Variants in SKI observed in about 807,000 individuals in gnomAD.
SKI encodes SKI proto-oncogene, also known as ski oncogene.
Under a neutral mutation model 59.3 loss-of-function variants are expected in SKI, and 23 were observed. The observed-to-expected ratio is 0.39, with a 90% CI of 0.28 to 0.55. The LOEUF (loss-of-function observed/expected upper bound fraction) is 0.55, where lower values mean the gene tolerates loss of function less well. SKI is among the 20% of genes least tolerant of loss of function. SKI has a pLI of 0.67. For synonymous variants in SKI, 673 were observed against 488.6 expected, an observed-to-expected ratio of 1.38 and a Z score of -4.98; for missense variants, 1,017 against 1,038.9, an observed-to-expected ratio of 0.98 and a Z score of 0.29.
chr1:2,265,996 C>T (rs918388046), intron 1 of SKI, among the ~76,000 whole-genome samples: 1 of 152,034 alleles, frequency 6.6e-6, no homozygotes, highest in African/African-American at 2.4e-5. Context: ...AAAAAAAAAT[C>T]TTGAGCTTTG....
chr1:2,293,193 C>T (rs1056246255), intron 1 of SKI, among the ~76,000 whole-genome samples: 6 of 152,282 alleles, frequency 3.9e-5, no homozygotes, highest in South Asian at 2.1e-4. Flanking sequence ...CTGTGCGGAG[C>T]GGGGTTCTGG....
intron 1 of SKI, among the ~76,000 whole-genome samples, chr1:2,237,190 C>T (rs945061631): frequency 6.6e-6 from 1 of 152,194 alleles, no homozygotes. Context: ...TGAGGACTGG[C>T]TGACCTCACC....
At chr1:2,265,188 G>T (rs1639475580) in intron 1 of SKI, among the ~76,000 whole-genome samples, 1 of 152,206 alleles carries the variant, frequency 6.6e-6, no homozygotes, top group Non-Finnish European at 1.5e-5. Flanking sequence ...TGCCGCATGT[G>T]TTTGGAGTAC....
chr1:2,257,143 TC>T (rs2100832573), intron 1 of SKI, among the ~76,000 whole-genome samples: 1 of 152,372 alleles, frequency 6.6e-6, no homozygotes, highest in African/African-American at 2.4e-5. Context: ...TTGTAAAAGC[TC>T]CCACCTTTTG....
At chr1:2,287,427 C>T (rs1301844415) in intron 1 of SKI, among the ~76,000 whole-genome samples, 9 of 151,462 alleles carry the variant, frequency 5.9e-5, no homozygotes, top group Admixed American at 5.9e-4. Context: ...AGCTCCGCCT[C>T]CCGGGTTCAC....
intron 1 of SKI, among the ~76,000 whole-genome samples, chr1:2,280,603 AGAAGAT>A (rs1639854763): frequency 1.3e-5 from 2 of 148,240 alleles, no homozygotes; most frequent in South Asian, 2.1e-4. Flanking sequence ...ATCTTCAGAG[AGAAGAT>A]GCCCGAGAAG....
At chr1:2,287,873 G>A (rs542677296) in intron 1 of SKI, among the ~76,000 whole-genome samples, 73 of 152,316 alleles carry the variant, frequency 4.8e-4, no homozygotes, top group East Asian at 1.3e-3. Flanking sequence ...ACCGCCCTCC[G>A]GCCCCACCCC....
intron 1 of SKI, among the ~76,000 whole-genome samples, chr1:2,260,390 C>T (rs1194740801): frequency 1.3e-5 from 2 of 152,074 alleles, no homozygotes; most frequent in Non-Finnish European, 2.9e-5. Flanking sequence ...GAGATCTTTA[C>T]GTATTCTGGA....
chr1:2,284,850 G>T (rs1432131945), intron 1 of SKI, among the ~76,000 whole-genome samples: 4 of 152,198 alleles, frequency 2.6e-5, no homozygotes, highest in African/African-American at 9.7e-5. Context: ...GAGAGTGGGT[G>T]CTCTCACTGA....
chr1:2,306,456 G>T (rs915345902), intron 6 of SKI, 121 bp from the exon 7 acceptor site: 8 of 1,115,688 alleles, frequency 7.2e-6, no homozygotes, highest in Non-Finnish European at 1.0e-5. Flanking sequence ...GGTGGAGGAG[G>T]GGCCGGCACG....
chr1:2,267,344 G>T lies in SKI; in HGVS notation c.970-35634G>T, dbSNP rs1051132215. On this transcript the variant is annotated intron_variant, in intron 1 of 6. Transcript: ENST00000378536. The surrounding 1 kb of genome is among the most constrained non-coding windows in gnomAD (Gnocchi z 4.1). Reference sequence around the variant, plus strand: ...TGCGGTGGAGTTCTGGGGTTTGTTTGTGGGCATTTCCAGGTAGTCTGATCC... The same window carrying T: ...TGCGGTGGAGTTCTGGGGTTTGTTTTTGGGCATTTCCAGGTAGTCTGATCC... Among the ~76,000 whole-genome samples the T allele has an allele frequency of 2.0e-5, 3 of 152,218 alleles. No individual in the cohort carries two copies. The highest frequency in any genetic ancestry group is 7.2e-5 in the African/African-American group (3 of 41,446).
intron 1 of SKI, chr1:2,240,543 C>CTG (rs1241429886): frequency 1.0e-6 from 1 of 985,312 alleles, no homozygotes; most frequent in East Asian, 1.1e-4. Context: ...GGGACTGGGA[C>CTG]CGCTGGCTTC....
intron 1 of SKI, among the ~76,000 whole-genome samples, chr1:2,298,568 ATCCTTTGGCCCTAATACGGGG>A (rs1389610484): frequency 6.6e-6 from 1 of 152,114 alleles, no homozygotes; most frequent in East Asian, 1.9e-4. Flanking sequence ...TCCCCCTTGT[ATCCTTTGGCCCTAATACGGGG>A]TCCCGTTTAC....
At chr1:2,234,066 C>T (rs963755740) in intron 1 of SKI, among the ~76,000 whole-genome samples, 6 of 152,336 alleles carry the variant, frequency 3.9e-5, no homozygotes, top group East Asian at 1.9e-4. Flanking sequence ...GTCAGGCTCC[C>T]GGCAGGCCCT....
chr1:2,240,906 C>T, intron 1 of SKI: 1 of 634,664 alleles, frequency 1.6e-6, no homozygotes, highest in South Asian at 6.9e-5. Context: ...CCCCAATCCT[C>T]CTCAGCTGTG....
intron 1 of SKI, among the ~76,000 whole-genome samples, chr1:2,264,468 C>T (rs1224763427): frequency 6.6e-6 from 1 of 151,982 alleles, no homozygotes; most frequent in Non-Finnish European, 1.5e-5. Flanking sequence ...CAGGGTTTCT[C>T]CATGTTGGAC....
In SKI at chr1:2,228,860, C is replaced by T. The variant is rs387907304; in HGVS notation, c.94C>T (p.Leu32=). 2 of 1,429,562 alleles carry T rather than the reference C, an allele frequency of 1.4e-6. No homozygotes were observed. The highest frequency in any genetic ancestry group is 1.3e-5 in the South Asian group (1 of 77,002). 88.6% of individuals were successfully genotyped at this position (1,429,562 alleles called of 1,614,324 possible). Residue 32 remains leucine (L), a synonymous_variant, in exon 1 of 7, where the codon CTG becomes TTG. Coordinates refer to ENST00000378536, the MANE Select transcript of SKI (RefSeq NM_003036.4). The part of the protein sequence containing the change: ...EQFHLSSMSS[L]GGPAAFSARW... The stretch of plus-strand genomic sequence containing the variant: ...GTTCCACCTGAGCTCCATGAGCTCG[C>T]TGGGCGGCCCGGCCGCTTTCTCGGC...
At chr1:2,254,978 C>T (rs1639242787) in intron 1 of SKI, among the ~76,000 whole-genome samples, 1 of 152,190 alleles carries the variant, frequency 6.6e-6, no homozygotes, top group Admixed American at 6.5e-5. Context: ...CCCACAGTGT[C>T]ACCTCTGTGT....
At chr1:2,252,701 C>T (rs1162661323) in intron 1 of SKI, among the ~76,000 whole-genome samples, 1 of 152,128 alleles carries the variant, frequency 6.6e-6, no homozygotes, top group African/African-American at 2.4e-5. Context: ...GGTATGGGTT[C>T]CTCCCTCAGG....
Sources: gnomAD v4.1 joint callset for allele counts (sites outside exome capture counted in the v4.1 genomes callset) on GRCh38, gnomAD v4.1.1 for gene constraint, Gnocchi (gnomAD v3.1) non-coding constraint, MANE v1.5 for transcripts, NCBI Gene and HGNC (gene_info 2026-07-23, HGNC 2026-07-21) for gene names.